ECE2: variants seen among roughly 807,000 people sequenced by gnomAD.
The protein encoded by ECE2 is endothelin converting enzyme 2, also known as endothelin-converting enzyme 2.
ECE2 carries 81 observed loss-of-function variants against 100.6 expected under a neutral mutation model. The ratio of observed to expected loss-of-function variants is 0.81; its 90% CI spans 0.67 to 0.97. ECE2 has a LOEUF of 0.97. Ranked by LOEUF, ECE2 falls within the 50% of genes least tolerant of loss-of-function variation. The probability of loss-of-function intolerance (pLI) is 0.00; values close to 1 mark genes in which losing one functional copy is unlikely to be tolerated. For missense variants in ECE2, 911 were observed against 988.1 expected (o/e 0.92, Z 1.05); for synonymous variants, 391 against 391.5 (o/e 1.00, Z 0.02).
At chr3:184,286,229 G>A (rs929667584) in intron 10 of ECE2, among the ~76,000 whole-genome samples, 7 of 152,102 alleles carry the variant, frequency 4.6e-5, no homozygotes, top group African/African-American at 1.4e-4. Flanking sequence ...AGGCCAAAAG[G>A]AGCATGGTGG....
chr3:184,276,751 C>A, intron 2 of ECE2, 141 bp from the exon 3 acceptor site: 1 of 1,554,200 alleles, frequency 6.4e-7, no homozygotes, highest in South Asian at 1.2e-5. Context: ...AGACTCAAGG[C>A]TCAACTCACT....
rs763409373 is a variant in ECE2 at position 184,289,631 on chromosome 3, G to T, written c.1474-10G>T. 2 of 1,613,658 alleles carry T rather than the reference G, an allele frequency of 1.2e-6. No homozygotes were observed. The highest frequency in any genetic ancestry group is 1.1e-5 in the South Asian group (1 of 91,044). On this transcript the variant is annotated splice_polypyrimidine_tract_variant and intron_variant, in intron 12 of 18. Transcript: ENST00000404464. This position sits in a 1 kb window ranked among gnomAD's most constrained non-coding sequence, Gnocchi z 4.1. ...GGGAAGGAAACAAACCCTTAACCTGGTCTCTTCAGGCAGATGCCATCTATG... is the reference window on the plus strand; with the variant it reads ...GGGAAGGAAACAAACCCTTAACCTGTTCTCTTCAGGCAGATGCCATCTATG...
rs753611301 is a variant in ECE2, at chr3:184,291,331, G to C, written c.2026-13G>C. The C allele has an allele frequency of 1.0e-5, 16 of 1,601,438 alleles. No individual in the cohort carries two copies. Among genetic ancestry groups the C allele is most frequent in the Non-Finnish European group, 1.3e-5 (15 of 1,172,952 alleles). On this transcript the variant is annotated splice_polypyrimidine_tract_variant and intron_variant, in intron 17 of 18. Coordinates refer to ENST00000404464, the MANE Select transcript of ECE2 (RefSeq NM_001100121.2). The surrounding 1 kb of genome is among the most constrained non-coding windows in gnomAD (Gnocchi z 4.1). Reference sequence around the variant, plus strand: ...GGCCTGGATGGGCTTGTTGCCCACTGTTCTGTCCCCAGGCTTACAAAGCAT... The same window carrying C: ...GGCCTGGATGGGCTTGTTGCCCACTCTTCTGTCCCCAGGCTTACAAAGCAT...
chr3:184,279,833 G>A (rs935328925), intron 7 of ECE2, among the ~76,000 whole-genome samples: 2 of 152,076 alleles, frequency 1.3e-5, no homozygotes, highest in African/African-American at 4.8e-5. Flanking sequence ...TGTAGCTCCC[G>A]GAGAGCCATT....
At chr3:184,280,860 T>G (rs908636834) in intron 7 of ECE2, among the ~76,000 whole-genome samples, 5 of 151,662 alleles carry the variant, frequency 3.3e-5, no homozygotes, top group African/African-American at 4.8e-5. Flanking sequence ...GTGCCTGTAA[T>G]CCCAGCTACT....
intron 7 of ECE2, among the ~76,000 whole-genome samples, chr3:184,281,126 A>G (rs1720800287): frequency 6.6e-6 from 1 of 152,194 alleles, no homozygotes; most frequent in Non-Finnish European, 1.5e-5. Context: ...GCTGTGGAGT[A>G]GGACAACCAT....
In ECE2 at chr3:184,289,541, CGG is replaced by C; in HGVS notation, c.1473+7_1473+8del. On this transcript the variant is annotated splice_region_variant and intron_variant, in intron 12 of 18. Transcript: ENST00000404464. This position sits in a 1 kb window ranked among gnomAD's most constrained non-coding sequence, Gnocchi z 4.1. ...GCCAGGCAGCCAAGGAGAAAGTGAG[CGG>C]TGGCTAGGGTTGGGGCGCCATCTTG... 1.2e-6 allele frequency: 2 copies of C among 1,613,144 alleles called. No homozygotes were observed. Among genetic ancestry groups the C allele is most frequent in the Non-Finnish European group, 1.7e-6 (2 of 1,179,542 alleles).
At chr3:184,278,108 G>A in intron 5 of ECE2, 59 bp downstream of exon 5, 1 of 1,613,258 alleles carries the variant, frequency 6.2e-7, no homozygotes, top group Admixed American at 1.7e-5. Flanking sequence ...GAGAGGAGAT[G>A]GCCCAGGAAC....
chr3:184,278,483 A>G lies in ECE2; in HGVS notation c.751-9A>G, dbSNP rs1205797505. 6.2e-7 allele frequency: 1 copy of G among 1,613,402 alleles called. No individual in the cohort carries two copies. Among genetic ancestry groups the G allele is most frequent in the Non-Finnish European group, 8.5e-7 (1 of 1,179,782 alleles). ...GCGAGGGGCTCACCTCCTTTCCTTG[A>G]CATTGCAGGTGGACCAGTCTGGGCT... On this transcript the variant is annotated splice_polypyrimidine_tract_variant and intron_variant, in intron 6 of 18. Coordinates refer to ENST00000404464, the MANE Select transcript of ECE2 (RefSeq NM_001100121.2).
chr3:184,288,655 C>CA (rs1175624521), intron 11 of ECE2, among the ~76,000 whole-genome samples: 2 of 151,632 alleles, frequency 1.3e-5, no homozygotes, highest in Non-Finnish European at 2.9e-5. Context: ...TATCTTTCAG[C>CA]AAAAAAAGTA....
At position 184,276,886 on chromosome 3, in the gene ECE2, C is replaced by T. The variant is rs200812899; in HGVS notation, c.127-6C>T. The T allele has an allele frequency of 4.3e-4, 698 of 1,613,816 alleles. No individual in the cohort carries two copies. The highest frequency in any genetic ancestry group is 6.6e-4 in the Middle Eastern group (4 of 6,066). On this transcript the variant is annotated splice_region_variant and splice_polypyrimidine_tract_variant and intron_variant, in intron 2 of 18. Transcript: ENST00000404464. Reference sequence around the variant, plus strand: ...CAGTCACTCTCTGTCCCCCTGTGTTCCCCAGGTGGGATTCCAGAAGGGGAC... The same window carrying T: ...CAGTCACTCTCTGTCCCCCTGTGTTTCCCAGGTGGGATTCCAGAAGGGGAC...
intron 7 of ECE2, among the ~76,000 whole-genome samples, chr3:184,281,476 C>A (rs1216905441): frequency 6.6e-6 from 1 of 152,210 alleles, no homozygotes; most frequent in Admixed American, 6.5e-5. Context: ...GATGAGGGAG[C>A]AGGAGGGGCA....
At chr3:184,286,173 G>A (rs916276052) in intron 10 of ECE2, among the ~76,000 whole-genome samples, 1 of 152,236 alleles carries the variant, frequency 6.6e-6, no homozygotes, top group African/African-American at 2.4e-5. Flanking sequence ...GAAAGCCGGG[G>A]AGAAGGGCAT....
intron 10 of ECE2, among the ~76,000 whole-genome samples, chr3:184,286,867 A>T (rs981025906): frequency 5.4e-5 from 8 of 147,726 alleles, no homozygotes; most frequent in African/African-American, 2.0e-4. Context: ...GCATTTTGGG[A>T]GGCTGAGGTG....
rs777849385 is a variant in ECE2 at position 184,285,014 on chromosome 3, C to A, written c.1057C>A (p.Pro353Thr). 5.6e-6 allele frequency: 9 copies of A among 1,614,000 alleles called. No individual in the cohort carries two copies. The highest frequency in any genetic ancestry group is 7.6e-6 in the Non-Finnish European group (9 of 1,180,032). Residue 353 changes from proline to threonine, a missense_variant, in exon 9 of 19, where the codon CCA (proline) becomes ACA (threonine). By Grantham distance (38) the Pro-to-Thr change is conservative. Coordinates refer to ENST00000404464, the MANE Select transcript of ECE2 (RefSeq NM_001100121.2). ...TGAGTTCCTGTCTTTCTTGCTGTCA[C>A]CATTGGAGTTGAGTGACTCTGAGCC... ...WLEFLSFLLS[P>T]LELSDSEPVV...
intron 2 of ECE2, 87 bp downstream of exon 2, chr3:184,276,654 G>T: frequency 6.4e-7 from 1 of 1,573,400 alleles, no homozygotes; most frequent in Non-Finnish European, 8.6e-7. Flanking sequence ...TGTTCTGGAG[G>T]GTCACCTGCC....
chr3:184,278,467 T>A (rs1720672169), intron 6 of ECE2, 25 bp from the exon 7 acceptor site: 1 of 1,612,154 alleles, frequency 6.2e-7, no homozygotes. Context: ...AGCGAGGGGC[T>A]CACCTCCTTT....
intron 1 of ECE2, 60 bp from the exon 2 acceptor site, chr3:184,276,421 G>T: frequency 6.4e-7 from 1 of 1,558,780 alleles, no homozygotes; most frequent in Non-Finnish European, 8.7e-7. Flanking sequence ...ACTGGGGCAG[G>T]GTCGTGGGCA....
At chr3:184,276,428 G>A in intron 1 of ECE2, 53 bp from the exon 2 acceptor site, 1 of 1,567,762 alleles carries the variant, frequency 6.4e-7, no homozygotes, top group Admixed American at 1.9e-5. Context: ...CAGGGTCGTG[G>A]GCAAATAGCC....
Sources: allele counts gnomAD v4.1 joint callset (sites outside exome capture counted in the v4.1 genomes callset), GRCh38; gene constraint gnomAD v4.1.1; non-coding constraint Gnocchi (gnomAD v3.1); transcripts MANE v1.5; gene names NCBI Gene and HGNC (gene_info 2026-07-23, HGNC 2026-07-21).